TRAF1: variants seen among roughly 807,000 people sequenced by gnomAD.
TRAF1 encodes TNF receptor associated factor 1, also known as TNF receptor-associated factor 1.
A neutral mutation model predicts 40.9 loss-of-function variants in TRAF1; 23 were observed. The observed-to-expected ratio is 0.56, with a 90% CI of 0.40 to 0.80. The LOEUF is 0.80. Among genes scored for constraint, TRAF1 ranks in the 30% least tolerant of loss-of-function variants. TRAF1 has a pLI of 0.00. For missense variants in TRAF1, 477 were observed against 528.7 expected (o/e 0.90, Z 0.96); for synonymous variants, 206 against 218.8 (o/e 0.94, Z 0.52).
In TRAF1 at chr9:120,923,636, G is replaced by A. The variant is rs979250623; in HGVS notation, c.228+69C>T. ...CCTGCCAGGGGTGGAGTGGGCAGCTGTCTACTTGGCTTCAACCTGGAAAAA... is the reference window on the plus strand; with the variant it reads ...CCTGCCAGGGGTGGAGTGGGCAGCTATCTACTTGGCTTCAACCTGGAAAAA... On this transcript the variant is annotated intron_variant, in intron 3 of 7. Coordinates refer to ENST00000373887, the MANE Select transcript of TRAF1 (RefSeq NM_005658.5). 7 of 1,499,384 alleles carry A rather than the reference G, an allele frequency of 4.7e-6. No individual in the cohort carries two copies. In the African/African-American group the frequency reaches 9.6e-5, roughly 21 times the overall value. 92.9% of individuals were successfully genotyped at this position (1,499,384 alleles called of 1,614,324 possible). A position where few individuals can be genotyped will look rare whatever the true frequency, so the allele number is the denominator to read the frequency against.
rs1442840166 is a variant in TRAF1 at position 120,911,331 on chromosome 9, G to A, written c.883+5C>T. ...GCAGGTCTCTGTGCCCCTGGGAGGT[G>A]TTACCTGGGGAGAAGAGGCTGACGG... On this transcript the variant is annotated splice_donor_5th_base_variant and intron_variant, in intron 6 of 7. Coordinates refer to ENST00000373887, the MANE Select transcript of TRAF1 (RefSeq NM_005658.5). The A allele has an allele frequency of 6.2e-6, 10 of 1,611,910 alleles. No individual in the cohort carries two copies. The highest frequency in any genetic ancestry group is 8.5e-6 in the Non-Finnish European group (10 of 1,178,902).
chr9:120,927,047 C>T (rs2046646097), upstream of TRAF1: 1 of 152,196 alleles, frequency 6.6e-6, no homozygotes, highest in Admixed American at 6.5e-5. Context: ...AACAGTTTCC[C>T]TCCAAATCCT....
At chr9:120,917,684 C>T (rs562592942) in intron 3 of TRAF1, among the ~76,000 whole-genome samples, 1 of 152,284 alleles carries the variant, frequency 6.6e-6, no homozygotes, top group South Asian at 2.1e-4. Context: ...GGGCTGCCTG[C>T]ACTCCTTGGC....
chr9:120,917,017 A>G (rs1588151354), intron 3 of TRAF1, among the ~76,000 whole-genome samples: 2 of 152,046 alleles, frequency 1.3e-5, no homozygotes, highest in East Asian at 1.9e-4. Context: ...AGAGATAAGA[A>G]CATGAAAATG....
intron 7 of TRAF1, among the ~76,000 whole-genome samples, chr9:120,906,111 A>G (rs879604639): frequency 5.3e-5 from 8 of 151,260 alleles, no homozygotes; most frequent in Middle Eastern, 7.0e-3. Flanking sequence ...CCCTCATGCA[A>G]TGCTGCTGTT....
At chr9:120,912,676 GAAAGA>G (rs71508125) in intron 5 of TRAF1, among the ~76,000 whole-genome samples, 1 of 150,426 alleles carries the variant, frequency 6.6e-6, no homozygotes, top group South Asian at 2.1e-4. Context: ...AAAAAAGAAA[GAAAGA>G]AAAGAAAAGT....
chr9:120,909,802 G>A (rs2046512351), intron 6 of TRAF1, among the ~76,000 whole-genome samples: 1 of 152,174 alleles, frequency 6.6e-6, no homozygotes, highest in Non-Finnish European at 1.5e-5. Context: ...GGTATGTTGG[G>A]GACCCAGCAA....
At chr9:120,918,945 A>G (rs996760046) in intron 3 of TRAF1, among the ~76,000 whole-genome samples, 2 of 152,180 alleles carry the variant, frequency 1.3e-5, no homozygotes, top group African/African-American at 4.8e-5. Context: ...GGGTAGGTGG[A>G]GAAGCCGAAG....
In TRAF1 at chr9:120,913,328, C is replaced by G; in HGVS notation, c.705G>C (p.Arg235Ser). ...DRERILSLEQRVVELQQTLAQ... is the reference protein window; with the variant it reads ...DRERILSLEQSVVELQQTLAQ... ...AGGCAAACCTGCCTCCCACACTCAC[C>G]CTCTGCTCCAAGCTCAGGATGCGCT... is the stretch of plus-strand genomic sequence containing the variant. Residue 235 changes from arginine (R) to serine (S), a missense_variant and splice_region_variant, in exon 5 of 8, where the codon AGG becomes AGC. Physicochemically the swap from Arg to Ser is moderately radical, Grantham distance 110 (BLOSUM62 -1). Coordinates refer to ENST00000373887, the MANE Select transcript of TRAF1 (RefSeq NM_005658.5). 1 of 1,600,522 alleles carries G rather than the reference C, an allele frequency of 6.2e-7. No individual in the cohort carries two copies. Among genetic ancestry groups the G allele is most frequent in the African/African-American group, 1.3e-5 (1 of 74,790 alleles).
rs761235084 is a variant in TRAF1 at position 120,925,956 on chromosome 9, G to A, written c.120C>T (p.Gly40=). The A allele has an allele frequency of 1.2e-6, 2 of 1,614,036 alleles. No individual in the cohort carries two copies. Among genetic ancestry groups the A allele is most frequent in the East Asian group, 4.5e-5 (2 of 44,848 alleles). ...CTCACCTCGGGTTCTCAGAGAGACA[G>A]CCTGCACAGCAGAGAGCCCTGGGCT... ...PKEPRALCCA[G]CLSENPRNGE... Residue 40 remains glycine (G), a synonymous_variant, in exon 2 of 8, where the codon GGC becomes GGT. Coordinates refer to ENST00000373887, the MANE Select transcript of TRAF1 (RefSeq NM_005658.5).
intron 3 of TRAF1, among the ~76,000 whole-genome samples, chr9:120,918,671 G>A (rs965268741): frequency 6.6e-6 from 1 of 152,178 alleles, no homozygotes; most frequent in Admixed American, 6.5e-5. Context: ...ATGTTTGAAT[G>A]TTGTCCCATA....
At chr9:120,908,083 T>A (rs2046497004) in intron 7 of TRAF1, among the ~76,000 whole-genome samples, 2 of 118,962 alleles carry the variant, frequency 1.7e-5, no homozygotes, top group South Asian at 2.3e-4. Flanking sequence ...TATTATTATT[T>A]TATTATTATT....
intron 7 of TRAF1, among the ~76,000 whole-genome samples, 176 bp from the exon 8 acceptor site, chr9:120,905,414 C>T (rs2046473538): frequency 6.6e-6 from 1 of 152,206 alleles, no homozygotes; most frequent in African/African-American, 2.4e-5. Flanking sequence ...GGCGTATGGC[C>T]AGACCCAGGG....
chr9:120,910,938 G>A (rs1273486018), intron 6 of TRAF1, among the ~76,000 whole-genome samples: 4 of 152,304 alleles, frequency 2.6e-5, no homozygotes, highest in Middle Eastern at 6.8e-3. Flanking sequence ...CTGAGGCCAC[G>A]GTGTTCACTT....
rs2046543468 is a variant in TRAF1, at chr9:120,913,385, G to C, written c.648C>G (p.Ala216=). ...CCAGCTGGCTCTGGTGGATAGAGGTGGCCAGGGCCAGGTGGGAGGCCTCCA... is the reference window on the plus strand; with the variant it reads ...CCAGCTGGCTCTGGTGGATAGAGGTCGCCAGGGCCAGGTGGGAGGCCTCCA... ...KEVEASHLAL[A]TSIHQSQLDR... Residue 216 remains alanine (A), a synonymous_variant, in exon 5 of 8, where the codon GCC becomes GCG. Transcript: ENST00000373887. 2 of 1,613,860 alleles carry C rather than the reference G, an allele frequency of 1.2e-6. No individual in the cohort carries two copies. The highest frequency in any genetic ancestry group is 2.2e-5 in the South Asian group (2 of 91,064).
chr9:120,913,187 G>C, intron 5 of TRAF1, 141 bp downstream of exon 5: 5 of 1,073,854 alleles, frequency 4.7e-6, no homozygotes, highest in Non-Finnish European at 6.5e-6. Context: ...TTCCTGGAAG[G>C]GTGTGGGATA....
intron 3 of TRAF1, 95 bp downstream of exon 3, chr9:120,923,610 G>C: frequency 8.6e-7 from 1 of 1,157,318 alleles, no homozygotes; most frequent in South Asian, 1.2e-5. Context: ...GTTGGGAGGT[G>C]CCTGCCAGGG....
chr9:120,910,385 A>T (rs1353949072), intron 6 of TRAF1, among the ~76,000 whole-genome samples: 1 of 152,130 alleles, frequency 6.6e-6, no homozygotes, highest in Non-Finnish European at 1.5e-5. Context: ...GGATTGTGAC[A>T]CACTCCGCTG....
intron 3 of TRAF1, among the ~76,000 whole-genome samples, chr9:120,922,795 T>C (rs1013303661): frequency 9.2e-5 from 14 of 152,174 alleles, no homozygotes; most frequent in African/African-American, 3.1e-4. Flanking sequence ...GAAGTCTTTG[T>C]TGCAAGTACT....
Sources: allele counts gnomAD v4.1 joint callset (sites outside exome capture counted in the v4.1 genomes callset), GRCh38; gene constraint gnomAD v4.1.1; transcripts MANE v1.5; gene names NCBI Gene and HGNC (gene_info 2026-07-23, HGNC 2026-07-21).